Variants in PCDHGA5 observed in about 807,000 individuals in gnomAD.
PCDHGA5 encodes the protein protocadherin gamma-A5.
Under a neutral mutation model 56.7 loss-of-function variants are expected in PCDHGA5, and 36 were observed. The ratio of observed to expected loss-of-function variants is 0.64; its 90% confidence interval spans 0.49 to 0.84. PCDHGA5 has a LOEUF of 0.84. Among genes scored for constraint, PCDHGA5 ranks in the 40% least tolerant of loss-of-function variants. The pLI, the probability that PCDHGA5 is intolerant of heterozygous loss-of-function variation, is 0.00. For missense variants in PCDHGA5, 1,305 were observed against 1,201.5 expected (o/e 1.09, Z -1.27); for synonymous variants, 563 against 520.2 (o/e 1.08, Z -1.12).
intron 1 of PCDHGA5, among the ~76,000 whole-genome samples, chr5:141,456,572 C>T (rs958661783): frequency 6.6e-6 from 1 of 152,168 alleles, no homozygotes; most frequent in Non-Finnish European, 1.5e-5. Flanking sequence ...CCACATTTTC[C>T]CTGAGCCTGT....
intron 1 of PCDHGA5, among the ~76,000 whole-genome samples, chr5:141,466,921 AG>A (rs2099132133): frequency 6.6e-6 from 1 of 152,204 alleles, no homozygotes; most frequent in African/African-American, 2.4e-5. Context: ...TCCTTGTATT[AG>A]GAATATTAGT....
intron 1 of PCDHGA5, among the ~76,000 whole-genome samples, chr5:141,471,768 T>A (rs1203999329): frequency 6.6e-6 from 1 of 152,174 alleles, no homozygotes; most frequent in Non-Finnish European, 1.5e-5. Context: ...GGTCAAAAGA[T>A]GAGTTTGACA....
In PCDHGA5 at chr5:141,422,632, G is replaced by T. The variant is rs199543811; in HGVS notation, c.2421+55881G>T. ...CTACATTCCCGAAAACAACCCCAGGGGTGCCTCCATCTTCTCAGTGACCGC... is the reference window on the plus strand; with the variant it reads ...CTACATTCCCGAAAACAACCCCAGGTGTGCCTCCATCTTCTCAGTGACCGC... On this transcript the variant is annotated intron_variant, in intron 1 of 3. Coordinates refer to ENST00000518069, the MANE Select transcript of PCDHGA5 (RefSeq NM_018918.3). 4,245 of 1,613,132 alleles carry T rather than the reference G, an allele frequency of 2.6e-3. 5 individuals carry two copies. The highest frequency in any genetic ancestry group is 3.2e-3 in the Admixed American group (193 of 59,948).
At position 141,432,627 on chromosome 5, in the gene PCDHGA5, C is replaced by A. The variant is rs886117102; in HGVS notation, c.2422-62180C>A. 1 of 1,613,652 alleles carries A rather than the reference C, an allele frequency of 6.2e-7. No homozygotes were observed. The highest frequency in any genetic ancestry group is 8.5e-7 in the Non-Finnish European group (1 of 1,179,952). On this transcript the variant is annotated intron_variant, in intron 1 of 3. Transcript: ENST00000518069. This position sits in a 1 kb window ranked among gnomAD's most constrained non-coding sequence, Gnocchi z 6.0. ...GGACTCTTCTCGGTGGGTCTGCACA[C>A]GGGCGAGGTGCGCACGGCGCGAGCC...
Position 141,419,699 on chromosome 5 carries a change from C to G in PCDHGA5, c.2421+52948C>G, listed in dbSNP as rs1488905080. ...CTACCACGTGGTGCAGGCCAGTGAG[C>G]CCGGGCTCTTCAGCCTGGGGCTGCG... On this transcript the variant is annotated intron_variant, in intron 1 of 3. Coordinates refer to ENST00000518069, the MANE Select transcript of PCDHGA5 (RefSeq NM_018918.3). The G allele has an allele frequency of 5.6e-6, 9 of 1,612,806 alleles. No homozygotes were observed. The East Asian group carries it at 1.8e-4, about 32-fold the overall frequency.
chr5:141,409,883 C>CGGGTGCTGTACCCAGCTCT, intron 1 of PCDHGA5: 1 of 1,612,988 alleles, frequency 6.2e-7, no homozygotes, highest in Non-Finnish European at 8.5e-7. Context: ...CAACGCACCG[C>CGGGTGCTGTACCCAGCTCT]GGGTGCTGTA....
At chr5:141,388,773 GGGGAAATTACT>G (rs1376289371) in intron 1 of PCDHGA5, 2 of 1,613,690 alleles carry the variant, frequency 1.2e-6, no homozygotes, top group African/African-American at 2.7e-5. Context: ...CTCTAACACC[GGGGAAATTACT>G]GTTTTAAATA....
At position 141,476,247 on chromosome 5, in the gene PCDHGA5, G is replaced by C. The variant is rs1439421662; in HGVS notation, c.2422-18560G>C. 1 of 1,614,042 alleles carries C rather than the reference G, an allele frequency of 6.2e-7. No individual in the cohort carries two copies. Among genetic ancestry groups the C allele is most frequent in the Non-Finnish European group, 8.5e-7 (1 of 1,180,010 alleles). ...GAGATCCCGGAGGAAAGAGAGAAGG[G>C]TTTCGCTGTGGGCAACGTGGTCGCG... On this transcript the variant is annotated intron_variant, in intron 1 of 3. Coordinates refer to ENST00000518069, the MANE Select transcript of PCDHGA5 (RefSeq NM_018918.3). The surrounding 1 kb of genome is among the most constrained non-coding windows in gnomAD (Gnocchi z 7.6).
chr5:141,375,925 A>G (rs369035619), intron 1 of PCDHGA5: 178 of 1,613,590 alleles, frequency 1.1e-4, no homozygotes, highest in Admixed American at 2.2e-4. Context: ...CCAGCGAGCC[A>G]GGACTTTTCT....
In PCDHGA5 at chr5:141,486,499, C is replaced by G. The variant is rs1487201957; in HGVS notation, c.2422-8308C>G. 2 of 1,614,010 alleles carry G rather than the reference C, an allele frequency of 1.2e-6. No homozygotes were observed. Among genetic ancestry groups the G allele is most frequent in the Non-Finnish European group, 1.7e-6 (2 of 1,179,874 alleles). On this transcript the variant is annotated intron_variant, in intron 1 of 3. Coordinates refer to ENST00000518069, the MANE Select transcript of PCDHGA5 (RefSeq NM_018918.3). This position sits in a 1 kb window ranked among gnomAD's most constrained non-coding sequence, Gnocchi z 5.0. ...CTCTCAGTACCCACAGAACTATTTT[C>G]CTCAATATTTCAGATGTGAATGATA...
chr5:141,366,906 C>A, intron 1 of PCDHGA5, 155 bp downstream of exon 1: 1 of 1,142,114 alleles, frequency 8.8e-7, no homozygotes, highest in South Asian at 1.7e-5. Context: ...ATGCTTTCTC[C>A]ATTTGTTTTC....
chr5:141,382,495 A>G (rs1778251368), intron 1 of PCDHGA5, among the ~76,000 whole-genome samples: 1 of 152,272 alleles, frequency 6.6e-6, no homozygotes, highest in African/African-American at 2.4e-5. Context: ...ACACCGGTCC[A>G]TGAACACTGT....
rs573580017 is a variant in PCDHGA5, at chr5:141,484,867, G to T, written c.2422-9940G>T. 33 of 282,678 alleles carry T rather than the reference G, an allele frequency of 1.2e-4. No individual in the cohort carries two copies. The South Asian group carries it at 1.6e-3, about 14-fold the overall frequency. The allele number at this position is 282,678 out of a possible 1,614,324, so 17.5% of individuals were successfully genotyped here. On this transcript the variant is annotated intron_variant, in intron 1 of 3. Transcript: ENST00000518069. ...TGGGTTTTTTGGGGGGTGGGGGAGC[G>T]TGGAGGATAGGGTGGGCTTTTTCCC...
intron 1 of PCDHGA5, chr5:141,404,371 C>G (rs374054833): frequency 1.5e-5 from 25 of 1,613,774 alleles, no homozygotes; most frequent in Non-Finnish European, 2.0e-5. Context: ...CCATCTTCTC[C>G]GTGATTGCCT....
At position 141,366,001 on chromosome 5, in the gene PCDHGA5, C is replaced by T. The variant is rs367829732; in HGVS notation, c.1671C>T (p.Asp557=). ...SLSLFVLDQN[D]NTPEILYPAL... is the part of the protein sequence containing the mutation. ...GCCTGTTTGTGCTGGACCAGAACGA[C>T]AATACGCCTGAGATCCTGTACCCCG... Residue 557 remains aspartate, a synonymous_variant, in exon 1 of 4, where the codon GAC becomes GAT. Transcript: ENST00000518069. 1.4e-5 allele frequency: 22 copies of T among 1,614,272 alleles called. No individual in the cohort carries two copies. The Admixed American group carries it at 1.8e-4, about 13-fold the overall frequency.
intron 1 of PCDHGA5, chr5:141,375,556 G>A (rs750283278): frequency 2.9e-5 from 47 of 1,614,044 alleles, no homozygotes; most frequent in Non-Finnish European, 4.0e-5. Context: ...CCTACTCACT[G>A]GCAGAAGACA....
chr5:141,447,533 G>T (rs2098541881), intron 1 of PCDHGA5, among the ~76,000 whole-genome samples: 1 of 152,120 alleles, frequency 6.6e-6, no homozygotes, highest in South Asian at 2.1e-4. Flanking sequence ...CAAAATTGTT[G>T]GGTTTTAATG....
intron 1 of PCDHGA5, among the ~76,000 whole-genome samples, chr5:141,373,452 G>A (rs1032272285): frequency 6.6e-6 from 1 of 152,218 alleles, no homozygotes; most frequent in South Asian, 2.1e-4. Context: ...GATCCCAGGA[G>A]GTAGCAGCTG....
At chr5:141,378,810 A>G (rs920121754) in intron 1 of PCDHGA5, 1 of 152,256 alleles carries the variant, frequency 6.6e-6, no homozygotes, top group Non-Finnish European at 1.5e-5. Context: ...TGCAAACAGA[A>G]TCATTGTTTC....
Sources: gnomAD v4.1 joint callset for allele counts (sites outside exome capture counted in the v4.1 genomes callset) on GRCh38, gnomAD v4.1.1 for gene constraint, Gnocchi (gnomAD v3.1) non-coding constraint, MANE v1.5 for transcripts, NCBI Gene and HGNC (gene_info 2026-07-23, HGNC 2026-07-21) for gene names.